ADCK1: variants seen among roughly 807,000 people sequenced by gnomAD.
ADCK1 encodes the protein aarF domain-containing protein kinase 1.
In ADCK1, 41 loss-of-function variants were observed where a neutral mutation model predicts 52.3. The ratio of observed to expected loss-of-function variants is 0.78; its 90% CI spans 0.61 to 1.02. The LOEUF is 1.02. ADCK1 is among the 50% of genes least tolerant of loss of function. The pLI is 0.00. For missense variants in ADCK1, 658 were observed against 679.5 expected (o/e 0.97, Z 0.35); for synonymous variants, 250 against 274.6 (o/e 0.91, Z 0.89).
intron 6 of ADCK1, chr14:77,902,890 GT>G (rs1463496359): frequency 6.6e-6 from 1 of 152,286 alleles, no homozygotes; most frequent in Non-Finnish European, 1.5e-5. Context: ...GCAGAGGACA[GT>G]TTGAGTAGAG....
At chr14:77,854,580 G>A (rs1203336361) in intron 3 of ADCK1, among the ~76,000 whole-genome samples, 10 of 127,432 alleles carry the variant, frequency 7.8e-5, no homozygotes, top group Non-Finnish European at 1.4e-4. Flanking sequence ...TTTTTGAGAT[G>A]GAGTCTCACT....
At chr14:77,832,413 G>T (rs73319432) in intron 3 of ADCK1, among the ~76,000 whole-genome samples, 2,251 of 152,252 alleles carry the variant, frequency 0.015, 56 homozygotes, top group African/African-American at 0.051. Flanking sequence ...TCTGCTTCCA[G>T]TCTGGGGAAA....
intron 6 of ADCK1, among the ~76,000 whole-genome samples, chr14:77,903,021 A>G (rs2083582144): frequency 6.6e-6 from 1 of 152,242 alleles, no homozygotes; most frequent in Non-Finnish European, 1.5e-5. Context: ...AGACAGAACC[A>G]TCTCCTCTAC....
chr14:77,913,263 T>C (rs1374867106), intron 7 of ADCK1, among the ~76,000 whole-genome samples: 1 of 152,230 alleles, frequency 6.6e-6, no homozygotes, highest in Non-Finnish European at 1.5e-5. Flanking sequence ...GGACTCCCCA[T>C]ACTGAAACAT....
intron 4 of ADCK1, among the ~76,000 whole-genome samples, chr14:77,870,167 A>G (rs2082745735): frequency 6.6e-6 from 1 of 152,240 alleles, no homozygotes; most frequent in Non-Finnish European, 1.5e-5. Context: ...ATAACTCTGT[A>G]AGGCTGGTAG....
chr14:77,854,109 T>C (rs1235993857), intron 3 of ADCK1, among the ~76,000 whole-genome samples: 1 of 152,318 alleles, frequency 6.6e-6, no homozygotes, highest in East Asian at 1.9e-4. Flanking sequence ...TAGCTCCTGT[T>C]TTGGAAGAAA....
intron 3 of ADCK1, among the ~76,000 whole-genome samples, chr14:77,842,452 CTT>C (rs2082090375): frequency 2.7e-5 from 1 of 36,920 alleles, no homozygotes; most frequent in African/African-American, 8.6e-5. Flanking sequence ...TTTTTTTTTC[CTT>C]CCTTCCTTCC....
intron 4 of ADCK1, among the ~76,000 whole-genome samples, chr14:77,867,144 A>G (rs2082678541): frequency 6.6e-6 from 1 of 152,176 alleles, no homozygotes. Context: ...AGCTGAGGTC[A>G]GCTCACCCTC....
intron 5 of ADCK1, among the ~76,000 whole-genome samples, chr14:77,894,246 C>T (rs191311672): frequency 6.9e-4 from 105 of 152,254 alleles, no homozygotes; most frequent in African/African-American, 2.0e-3. Flanking sequence ...AGATAAACCC[C>T]GTGAATGGCA....
intron 6 of ADCK1, among the ~76,000 whole-genome samples, chr14:77,903,796 A>G (rs903624686): frequency 6.6e-6 from 1 of 152,222 alleles, no homozygotes; most frequent in African/African-American, 2.4e-5. Flanking sequence ...GGAGATGTGC[A>G]TGCTTTTTGG....
chr14:77,918,898 C>G (rs1480954926), intron 7 of ADCK1, among the ~76,000 whole-genome samples: 1 of 152,196 alleles, frequency 6.6e-6, no homozygotes, highest in Non-Finnish European at 1.5e-5. Flanking sequence ...AAGATAACCT[C>G]AAAGGTTGTG....
intron 6 of ADCK1, among the ~76,000 whole-genome samples, chr14:77,901,800 G>A (rs17106561): frequency 0.032 from 4,870 of 152,314 alleles, 149 homozygotes; most frequent in South Asian, 0.12. Flanking sequence ...TTCCTGAGGT[G>A]TATGCCTATT....
chr14:77,824,495 G>A (rs1470513895), intron 3 of ADCK1, among the ~76,000 whole-genome samples: 2 of 146,282 alleles, frequency 1.4e-5, no homozygotes, highest in Non-Finnish European at 3.0e-5. Flanking sequence ...GTGCAGTGGT[G>A]TGATCTTGGC....
chr14:77,811,959 G>T (rs187996439), intron 1 of ADCK1, among the ~76,000 whole-genome samples: 1 of 152,124 alleles, frequency 6.6e-6, no homozygotes, highest in Non-Finnish European at 1.5e-5. Context: ...AGAAAGCAAG[G>T]TTTTAATTTA....
At position 77,819,221 on chromosome 14, in the gene ADCK1, G is replaced by A. The variant is rs1239516092; in HGVS notation, c.135+108G>A. ...GCTATGCATATGTGGAGATACTTGT[G>A]TATCCTTACATGTGCAAAAGCTACA... On this transcript the variant is annotated intron_variant, in intron 2 of 10. Transcript: ENST00000238561. 8 of 1,487,104 alleles carry A rather than the reference G, an allele frequency of 5.4e-6. No homozygotes were observed. The East Asian group carries it at 1.6e-4, about 30-fold the overall frequency. 92.1% of individuals were successfully genotyped at this position (1,487,104 alleles called of 1,614,324 possible). A position where few individuals can be genotyped will look rare whatever the true frequency, so the allele number is the denominator to read the frequency against.
intron 3 of ADCK1, among the ~76,000 whole-genome samples, chr14:77,844,457 T>G (rs1047545461): frequency 6.6e-6 from 1 of 152,184 alleles, no homozygotes; most frequent in Non-Finnish European, 1.5e-5. Flanking sequence ...CAGTGCTCAA[T>G]GCAAAGGAAC....
intron 6 of ADCK1, among the ~76,000 whole-genome samples, chr14:77,905,345 C>T (rs947929009): frequency 4.7e-5 from 6 of 126,720 alleles, no homozygotes; most frequent in Non-Finnish European, 9.9e-5. Flanking sequence ...CTCACTCCCT[C>T]TGTCACCGTG....
rs2084264823 is a variant in ADCK1 at position 77,929,158 on chromosome 14, T to G, written c.1207-2360T>G. Among the ~76,000 whole-genome samples, 3 of 152,256 alleles carry G rather than the reference T, an allele frequency of 2.0e-5. No homozygotes were observed. The South Asian group carries it at 6.2e-4, about 31-fold the overall frequency. On this transcript the variant is annotated intron_variant, in intron 9 of 10. Coordinates refer to ENST00000238561, the MANE Select transcript of ADCK1 (RefSeq NM_020421.4). ...CAGGGATCCACAGGCTCAGTCTTTC[T>G]GAGCCCTGCTCTCATTGAGGATTAG... is the stretch of plus-strand genomic sequence containing the variant.
At chr14:77,930,143 G>T (rs1220646982) in intron 9 of ADCK1, among the ~76,000 whole-genome samples, 1 of 152,162 alleles carries the variant, frequency 6.6e-6, no homozygotes, top group Non-Finnish European at 1.5e-5. Context: ...GCTGAGAGGG[G>T]GGTCCCTGTG....
Sources: gnomAD v4.1 joint callset for allele counts (sites outside exome capture counted in the v4.1 genomes callset) on GRCh38, gnomAD v4.1.1 for gene constraint, MANE v1.5 for transcripts, NCBI Gene and HGNC (gene_info 2026-07-23, HGNC 2026-07-21) for gene names.